GNG4: variants seen among roughly 807,000 people sequenced by gnomAD.
The protein encoded by GNG4 is G protein subunit gamma 4, also known as guanine nucleotide-binding protein G(I)/G(S)/G(O) subunit gamma-4.
In GNG4, 4 loss-of-function variants were observed where a neutral mutation model predicts 5.8. The ratio of observed to expected loss-of-function variants is 0.69; its 90% CI spans 0.34 to 1.57. GNG4 has a LOEUF of 1.57. GNG4 is among the 40% of genes most tolerant of loss of function. The pLI is 0.06. For synonymous variants in GNG4, 29 were observed against 32.9 expected (o/e 0.88, Z 0.41); for missense variants, 96 against 95.1 (o/e 1.01, Z -0.04).
chr1:235,597,897 CA>C (rs552094423), intron 1 of GNG4, among the ~76,000 whole-genome samples: 1 of 152,086 alleles, frequency 6.6e-6, no homozygotes, highest in South Asian at 2.1e-4. Context: ...GCTGGGATTA[CA>C]GGGGTGAACC....
intron 1 of GNG4, among the ~76,000 whole-genome samples, chr1:235,617,180 C>T (rs543240685): frequency 1.6e-4 from 24 of 152,280 alleles, no homozygotes; most frequent in African/African-American, 5.5e-4. Flanking sequence ...CCTGGACCTC[C>T]GGCTGGCCAG....
chr1:235,638,816 C>T (rs1371373616), intron 1 of GNG4, among the ~76,000 whole-genome samples: 2 of 152,146 alleles, frequency 1.3e-5, no homozygotes, highest in African/African-American at 4.8e-5. Context: ...TCATCCATGT[C>T]CCTGCAAAGG....
rs913930166 is a variant in GNG4, at chr1:235,648,542, C to A, written c.-123+1120G>T. Among the ~76,000 whole-genome samples the A allele has an allele frequency of 2.6e-5, 4 of 152,188 alleles. No homozygotes were observed. The highest frequency in any genetic ancestry group is 5.9e-5 in the Non-Finnish European group (4 of 68,030). On this transcript the variant is annotated intron_variant, in intron 1 of 3. Coordinates refer to ENST00000391854, the MANE Select transcript of GNG4 (RefSeq NM_001098722.2). The surrounding 1 kb of genome is among the most constrained non-coding windows in gnomAD (Gnocchi z 5.0). ...ATACAAAAATCAGGAAAAGGAGTTG[C>A]GGGAGGAATCGAGAAGCCGGCCGCA...
intron 1 of GNG4, among the ~76,000 whole-genome samples, chr1:235,599,107 G>A (rs961600335): frequency 7.2e-5 from 11 of 152,088 alleles, no homozygotes; most frequent in African/African-American, 2.7e-4. Flanking sequence ...CCACACTTTG[G>A]TGTGTATGTC....
At chr1:235,566,428 T>C (rs1365763088) in intron 3 of GNG4, among the ~76,000 whole-genome samples, 1 of 152,224 alleles carries the variant, frequency 6.6e-6, no homozygotes, top group Non-Finnish European at 1.5e-5. Flanking sequence ...GAGAACCTAA[T>C]GCCTGATGAT....
In GNG4 at chr1:235,648,218, TA is replaced by T. The variant is rs1466375210; in HGVS notation, c.-123+1443del. On this transcript the variant is annotated intron_variant, in intron 1 of 3. Coordinates refer to ENST00000391854, the MANE Select transcript of GNG4 (RefSeq NM_001098722.2). This position sits in a 1 kb window ranked among gnomAD's most constrained non-coding sequence, Gnocchi z 5.0. ...GGGGCCAACAGGAAGTCCATTGTCCTAAATAGTCATTTCAGCCTAACTAACC... is the reference window on the plus strand; with the variant it reads ...GGGGCCAACAGGAAGTCCATTGTCCTAATAGTCATTTCAGCCTAACTAACC... Among the ~76,000 whole-genome samples, 2 of 152,180 alleles carry T rather than the reference TA, an allele frequency of 1.3e-5. No homozygotes were observed. The highest frequency in any genetic ancestry group is 4.8e-5 in the African/African-American group (2 of 41,438).
Position 235,555,679 on chromosome 1 carries a change from T to TAAA in GNG4, c.100-3445_100-3443dup, listed in dbSNP as rs59029355. Among the ~76,000 whole-genome samples, 23 of 127,432 alleles carry TAAA rather than the reference T, an allele frequency of 1.8e-4. 1 individual carries two copies. Among genetic ancestry groups the TAAA allele is most frequent in the East Asian group, 6.8e-4 (3 of 4,412 alleles). The allele number at this position is 127,432 out of a possible 152,430, so 83.6% of individuals were successfully genotyped here. A position where few individuals can be genotyped will look rare whatever the true frequency, so the allele number is the denominator to read the frequency against. On this transcript the variant is annotated intron_variant, in intron 3 of 3. Transcript: ENST00000391854. ...GGGTGGCAGAGCAAGACCCTGTCTC[T>TAAA]AAAAAAAAAAAAAAAAAGTAGAATT...
intron 1 of GNG4, among the ~76,000 whole-genome samples, chr1:235,646,514 C>G (rs1294426871): frequency 6.6e-6 from 1 of 152,206 alleles, no homozygotes; most frequent in Non-Finnish European, 1.5e-5. Flanking sequence ...CTTCTTTCCC[C>G]TTGTTGCCCA....
At chr1:235,576,418 A>G (rs894179767) in intron 3 of GNG4, among the ~76,000 whole-genome samples, 7 of 152,140 alleles carry the variant, frequency 4.6e-5, no homozygotes, top group Non-Finnish European at 8.8e-5. Flanking sequence ...TGGGTGAGAA[A>G]AAGAATAAGG....
chr1:235,580,742 T>TTG (rs1436988794), intron 3 of GNG4, among the ~76,000 whole-genome samples: 4 of 129,886 alleles, frequency 3.1e-5, no homozygotes, highest in African/African-American at 1.1e-4. Flanking sequence ...CTATCCCGTT[T>TTG]TTTGTTTTTT....
At chr1:235,582,068 C>T (rs867114176) in intron 3 of GNG4, among the ~76,000 whole-genome samples, 2 of 152,190 alleles carry the variant, frequency 1.3e-5, no homozygotes, top group East Asian at 1.9e-4. Context: ...GTGCCTCCCA[C>T]GTTTACTCTC....
At chr1:235,586,360 CTGTG>C (rs1020613869) in intron 2 of GNG4, among the ~76,000 whole-genome samples, 1 of 151,848 alleles carries the variant, frequency 6.6e-6, no homozygotes, top group Non-Finnish European at 1.5e-5. Flanking sequence ...TTGTGCCAGT[CTGTG>C]TGTGGCCATC....
At chr1:235,570,492 G>T (rs912890981) in intron 3 of GNG4, among the ~76,000 whole-genome samples, 1 of 151,124 alleles carries the variant, frequency 6.6e-6, no homozygotes, top group Non-Finnish European at 1.5e-5. Context: ...CGCCTCCCGG[G>T]TTCAAGCGAT....
rs115423415 is a variant in GNG4 at position 235,640,461 on chromosome 1, G to A, written c.-123+9201C>T. On this transcript the variant is annotated intron_variant, in intron 1 of 3. Coordinates refer to ENST00000391854, the MANE Select transcript of GNG4 (RefSeq NM_001098722.2). ...CCAAAATGTATGCAGCCAGGTTTGA[G>A]AACCACTGCTGCATCTACCTTAGGC... is the stretch of plus-strand genomic sequence containing the variant. Among the ~76,000 whole-genome samples, 28 of 152,356 alleles carry A rather than the reference G, an allele frequency of 1.8e-4. 1 individual carries two copies. The highest frequency in any genetic ancestry group is 6.7e-4 in the African/African-American group (28 of 41,592).
At chr1:235,620,336 G>A (rs958221037) in intron 1 of GNG4, among the ~76,000 whole-genome samples, 2 of 151,970 alleles carry the variant, frequency 1.3e-5, no homozygotes, top group East Asian at 3.9e-4. Context: ...TTGCACTCCA[G>A]CCTGGGCGAC....
At chr1:235,616,780 C>T (rs974461432) in intron 1 of GNG4, among the ~76,000 whole-genome samples, 5 of 152,018 alleles carry the variant, frequency 3.3e-5, no homozygotes, top group Non-Finnish European at 5.9e-5. Flanking sequence ...GCTCTGTCAC[C>T]CAGGCCGGAG....
At chr1:235,617,261 A>G (rs1362020859) in intron 1 of GNG4, among the ~76,000 whole-genome samples, 4 of 152,158 alleles carry the variant, frequency 2.6e-5, no homozygotes, top group Non-Finnish European at 5.9e-5. Flanking sequence ...AAGTCTGCTT[A>G]GTTGCCTATT....
At chr1:235,558,201 G>A (rs574586526) in intron 3 of GNG4, among the ~76,000 whole-genome samples, 1 of 142,244 alleles carries the variant, frequency 7.0e-6, no homozygotes, top group Admixed American at 7.0e-5. Context: ...TTGGTTCCGT[G>A]AAACATTAAT....
chr1:235,593,057 T>TC (rs1688018143), intron 2 of GNG4, among the ~76,000 whole-genome samples: 2 of 151,832 alleles, frequency 1.3e-5, no homozygotes, highest in African/African-American at 4.8e-5. Context: ...CAAGCAATTC[T>TC]TCTGCCTCAG....
Sources: allele counts gnomAD v4.1 joint callset (sites outside exome capture counted in the v4.1 genomes callset), GRCh38; gene constraint gnomAD v4.1.1; non-coding constraint Gnocchi (gnomAD v3.1); transcripts MANE v1.5; gene names NCBI Gene and HGNC (gene_info 2026-07-23, HGNC 2026-07-21).